Variants in MCF2L2 observed in about 807,000 individuals in gnomAD.
The protein encoded by MCF2L2 is MCF.2 cell line derived transforming sequence-like 2, also known as probable guanine nucleotide exchange factor MCF2L2.
A neutral mutation model predicts 150.2 loss-of-function variants in MCF2L2; 102 were observed. The ratio of observed to expected loss-of-function variants is 0.68; its 90% CI spans 0.58 to 0.80. The LOEUF (loss-of-function observed/expected upper bound fraction) is 0.80, where lower values mean the gene tolerates loss of function less well. Among genes scored for constraint, MCF2L2 ranks in the 30% least tolerant of loss-of-function variants. The pLI is 0.00. For missense variants in MCF2L2, 1,256 were observed against 1,372.8 expected, an observed-to-expected ratio of 0.91 and a Z score of 1.34; for synonymous variants, 465 against 491.3, an observed-to-expected ratio of 0.95 and a Z score of 0.71.
At chr3:183,382,437 G>C (rs1475462054) in intron 2 of MCF2L2, among the ~76,000 whole-genome samples, 2 of 152,122 alleles carry the variant, frequency 1.3e-5, no homozygotes, top group East Asian at 3.8e-4. Flanking sequence ...CTTCTACCTT[G>C]GTTACTACCA....
At chr3:183,292,602 C>G (rs1037385639) in intron 13 of MCF2L2, among the ~76,000 whole-genome samples, 1 of 151,704 alleles carries the variant, frequency 6.6e-6, no homozygotes, top group Non-Finnish European at 1.5e-5. Flanking sequence ...CACACACACA[C>G]GTATGTATTT....
At chr3:183,224,053 G>T in intron 19 of MCF2L2, 45 bp downstream of exon 19, 1 of 1,385,428 alleles carries the variant, frequency 7.2e-7, no homozygotes, top group Non-Finnish European at 1.0e-6. Context: ...ACAACTTGAT[G>T]CATAGAAACA....
chr3:183,276,881 G>A lies in MCF2L2; in HGVS notation c.1853C>T (p.Ser618Phe). ...LEQQARLGDL[S>F]PRRRIIRDLL... ...GGATGTGCAGTCTTACCTGCGGGGG[G>A]AAAGGTCTCCGAGCCTGGCCTGCTG... Residue 618 changes from serine (S) to phenylalanine (F), a missense_variant, in exon 15 of 30, where the codon TCC becomes TTC. Transcript: ENST00000328913. The A allele has an allele frequency of 3.1e-6, 5 of 1,608,532 alleles. No individual in the cohort carries two copies. Among genetic ancestry groups the A allele is most frequent in the Non-Finnish European group, 4.2e-6 (5 of 1,177,058 alleles).
Position 183,234,707 on chromosome 3 carries a change from T to TTTTTTTTA in MCF2L2, c.1863-3691_1863-3690insTAAAAAAA, listed in dbSNP as rs774291171. 8.1e-3 allele frequency among the ~76,000 whole-genome samples: 924 copies of TTTTTTTTA among 113,678 alleles called. 12 individuals carry two copies. Among genetic ancestry groups the TTTTTTTTA allele is most frequent in the Non-Finnish European group, 0.013 (696 of 53,462 alleles). 74.6% of individuals were successfully genotyped at this position (113,678 alleles called of 152,430 possible). ...TGACTCTTTTTTTTTTTTTTTTTTT[T>TTTTTTTTA]TTATTATACTCTAAGTTTTAGGGTA... On this transcript the variant is annotated intron_variant, in intron 15 of 29. Coordinates refer to ENST00000328913, the MANE Select transcript of MCF2L2 (RefSeq NM_015078.4).
intron 20 of MCF2L2, among the ~76,000 whole-genome samples, chr3:183,221,151 G>A (rs1006145304): frequency 2.0e-5 from 3 of 152,192 alleles, no homozygotes; most frequent in African/African-American, 7.2e-5. Context: ...GTAATGGCCT[G>A]AGCTGGTTTC....
At chr3:183,411,518 G>A (rs16857445) in intron 1 of MCF2L2, among the ~76,000 whole-genome samples, 3 of 151,864 alleles carry the variant, frequency 2.0e-5, no homozygotes, top group Non-Finnish European at 2.9e-5. Flanking sequence ...GGACCATTTC[G>A]ATTTTGATCC....
At position 183,192,988 on chromosome 3, in the gene MCF2L2, ACC is replaced by A; in HGVS notation, c.3016+9_3016+10del. On this transcript the variant is annotated intron_variant, in intron 27 of 29. Transcript: ENST00000328913. ...CTTCTGTGCTCCACTCTCCCATGGG[ACC>A]CTCCCTACCTTTAATCCCTCCTGTG... 4 of 1,607,856 alleles carry A rather than the reference ACC, an allele frequency of 2.5e-6. No homozygotes were observed. The highest frequency in any genetic ancestry group is 3.4e-6 in the Non-Finnish European group (4 of 1,175,278).
chr3:183,272,281 G>C, intron 15 of MCF2L2: 4 of 1,000,202 alleles, frequency 4.0e-6, no homozygotes, highest in Non-Finnish European at 4.8e-6. Flanking sequence ...AGAACTAGGT[G>C]GTGTCTACTG....
chr3:183,233,979 G>A (rs1288140497), intron 15 of MCF2L2, among the ~76,000 whole-genome samples: 2 of 152,168 alleles, frequency 1.3e-5, no homozygotes, highest in African/African-American at 4.8e-5. Context: ...CACAGAGGAT[G>A]TAATTTCCGG....
intron 3 of MCF2L2, chr3:183,377,136 T>A (rs1018528156): frequency 6.6e-6 from 1 of 152,226 alleles, no homozygotes; most frequent in South Asian, 2.1e-4. Context: ...CAACCCATCA[T>A]CCAGGTTTTA....
At chr3:183,352,699 G>A (rs548538681) in intron 3 of MCF2L2, among the ~76,000 whole-genome samples, 1 of 152,292 alleles carries the variant, frequency 6.6e-6, no homozygotes, top group African/African-American at 2.4e-5. Flanking sequence ...AGAATCTGCA[G>A]AGCAACCAAT....
At chr3:183,405,797 C>A (rs1715012410) in intron 1 of MCF2L2, among the ~76,000 whole-genome samples, 1 of 152,178 alleles carries the variant, frequency 6.6e-6, no homozygotes, top group African/African-American at 2.4e-5. Context: ...CTCACTGCAA[C>A]CTCCGCCTCC....
At chr3:183,263,037 G>A (rs1178058929) in intron 15 of MCF2L2, among the ~76,000 whole-genome samples, 2 of 152,118 alleles carry the variant, frequency 1.3e-5, no homozygotes, top group South Asian at 2.1e-4. Context: ...GCTGGGCAGG[G>A]TGGGGTGGCA....
At chr3:183,413,290 T>A (rs1392845688) in intron 1 of MCF2L2, among the ~76,000 whole-genome samples, 1 of 152,200 alleles carries the variant, frequency 6.6e-6, no homozygotes, top group African/African-American at 2.4e-5. Flanking sequence ...ACATTAACAG[T>A]TGATTAACAC....
chr3:183,295,902 G>A (rs1011517760), intron 12 of MCF2L2, among the ~76,000 whole-genome samples: 4 of 152,134 alleles, frequency 2.6e-5, no homozygotes, highest in Non-Finnish European at 4.4e-5. Context: ...AGGTTGCACT[G>A]AGCCGAGATC....
chr3:183,316,581 G>A (rs1729613055), intron 7 of MCF2L2, among the ~76,000 whole-genome samples: 1 of 151,958 alleles, frequency 6.6e-6, no homozygotes, highest in African/African-American at 2.4e-5. Flanking sequence ...CTGACCTCAG[G>A]TGATCTGCCC....
chr3:183,230,583 A>G (rs1414493408), intron 16 of MCF2L2, among the ~76,000 whole-genome samples: 1 of 152,236 alleles, frequency 6.6e-6, no homozygotes, highest in Non-Finnish European at 1.5e-5. Context: ...TTCCCTTAGG[A>G]AAATAGGGAA....
At chr3:183,244,927 A>G (rs1724183831) in intron 15 of MCF2L2, among the ~76,000 whole-genome samples, 2 of 151,992 alleles carry the variant, frequency 1.3e-5, no homozygotes, top group Admixed American at 1.3e-4. Flanking sequence ...ATTAGAATGA[A>G]ATTAGCATGG....
chr3:183,180,122 A>G lies in MCF2L2; in HGVS notation c.3054T>C (p.Phe1018=). The G allele has an allele frequency of 6.2e-7, 1 of 1,614,056 alleles. No individual in the cohort carries two copies. Among genetic ancestry groups the G allele is most frequent in the South Asian group, 1.1e-5 (1 of 91,086 alleles). Residue 1018 remains phenylalanine, a synonymous_variant, in exon 28 of 30, where the codon TTT becomes TTC. Transcript: ENST00000328913. The stretch of plus-strand genomic sequence containing the variant: ...TGTCTTCTGCGCCTTCACAGTCTTC[A>G]AAGGTGTCCATGGAGCTAAACTCCC... ...SSREFSSMDT[F]EDCEGAEDME...
Sources: allele counts gnomAD v4.1 joint callset (sites outside exome capture counted in the v4.1 genomes callset), GRCh38; gene constraint gnomAD v4.1.1; transcripts MANE v1.5; gene names NCBI Gene and HGNC (gene_info 2026-07-23, HGNC 2026-07-21).